Variants in DIP2C observed in about 807,000 individuals in gnomAD.
DIP2C encodes the protein DIP2 acetate--CoA ligase C (putative), also known as disco-interacting protein 2 homolog C.
In DIP2C, 33 loss-of-function variants were observed where a neutral mutation model predicts 192.4. The observed-to-expected ratio is 0.17, with a 90% CI of 0.13 to 0.23. The LOEUF (loss-of-function observed/expected upper bound fraction) is 0.23, where lower values mean the gene tolerates loss of function less well. Among genes scored for constraint, DIP2C ranks in the 10% least tolerant of loss-of-function variants. The pLI, the probability that DIP2C is intolerant of heterozygous loss-of-function variation, is 1.00. For synonymous variants in DIP2C, 979 were observed against 864.1 expected (o/e 1.13, Z -2.33); for missense variants, 1,537 against 2,110.1 (o/e 0.73, Z 5.32).
intron 1 of DIP2C, among the ~76,000 whole-genome samples, chr10:525,298 T>C (rs1373886642): frequency 6.6e-6 from 1 of 152,216 alleles, no homozygotes. Flanking sequence ...GCAGGTTGTA[T>C]GTCCACAGCT....
At chr10:404,312 G>A (rs545370073) in intron 9 of DIP2C, among the ~76,000 whole-genome samples, 13 of 151,512 alleles carry the variant, frequency 8.6e-5, no homozygotes, top group Non-Finnish European at 1.3e-4. Context: ...CGGTTCAAGC[G>A]ATTCTCTTGC....
At chr10:530,372 C>A (rs912604723) in intron 1 of DIP2C, among the ~76,000 whole-genome samples, 1 of 152,100 alleles carries the variant, frequency 6.6e-6, no homozygotes, top group African/African-American at 2.4e-5. Flanking sequence ...ACCTAATGCC[C>A]ATTTTGTAAC....
chr10:355,661 C>T (rs1055547566), intron 24 of DIP2C, among the ~76,000 whole-genome samples: 5 of 152,138 alleles, frequency 3.3e-5, no homozygotes, highest in South Asian at 2.1e-4. Flanking sequence ...TTAAGTACTA[C>T]GGTGGAACAA....
At chr10:669,669 G>C (rs990925158) in intron 1 of DIP2C, 1 of 152,216 alleles carries the variant, frequency 6.6e-6, no homozygotes, top group Non-Finnish European at 1.5e-5. Context: ...CAAACACCTT[G>C]TTTCCCTGAA....
At chr10:428,678 T>C (rs1018247492) in intron 4 of DIP2C, among the ~76,000 whole-genome samples, 1 of 152,152 alleles carries the variant, frequency 6.6e-6, no homozygotes, top group African/African-American at 2.4e-5. Context: ...ACACAGGTGT[T>C]TGACATCAAT....
In DIP2C at chr10:355,833, T is replaced by C. The variant is rs577881397; in HGVS notation, c.2985+593A>G. Among the ~76,000 whole-genome samples, 27 of 152,310 alleles carry C rather than the reference T, an allele frequency of 1.8e-4. No homozygotes were observed. In the South Asian group the frequency reaches 5.2e-3, roughly 29 times the overall value. ...GACTCACGCCTGTAATCCCAGCACT[T>C]TGGGAGGCCAAGGCAGGTGGATCAC... is the stretch of plus-strand genomic sequence containing the variant. On this transcript the variant is annotated intron_variant, in intron 24 of 36. Transcript: ENST00000280886.
At position 577,884 on chromosome 10, in the gene DIP2C, C is replaced by G. The variant is rs143562226; in HGVS notation, c.86-91354G>C. Among the ~76,000 whole-genome samples the G allele has an allele frequency of 3.8e-4, 58 of 151,638 alleles. 2 individuals carry two copies. The East Asian group carries it at 7.0e-3, about 18-fold the overall frequency. On this transcript the variant is annotated intron_variant, in intron 1 of 36. Transcript: ENST00000280886. The stretch of plus-strand genomic sequence containing the variant: ...TAAGAACCTTTTGGAAAGTTGGGAG[C>G]AATTTCTATTTCTCCATGGTAGAAC...
chr10:303,274 C>T (rs1196165105), intron 32 of DIP2C, among the ~76,000 whole-genome samples: 1 of 151,796 alleles, frequency 6.6e-6, no homozygotes, highest in Non-Finnish European at 1.5e-5. Flanking sequence ...GATTGATCAA[C>T]ACTGCACTTG....
At chr10:327,302 C>T in intron 30 of DIP2C, 126 bp from the exon 31 acceptor site, 2 of 991,896 alleles carry the variant, frequency 2.0e-6, no homozygotes, top group Admixed American at 3.0e-5. Flanking sequence ...ATTTCCAGGG[C>T]CACCTGTGTC....
At position 650,842 on chromosome 10, in the gene DIP2C, C is replaced by T. The variant is rs533780568; in HGVS notation, c.85+38652G>A. On this transcript the variant is annotated intron_variant, in intron 1 of 36. Transcript: ENST00000280886. ...ATGTCCTCAGTTCTGCCTCAGCCCC[C>T]ACTTGTGAGAGGTCCGTGGCATAAC... 1.3e-5 allele frequency: 9 copies of T among 715,324 alleles called. No individual in the cohort carries two copies. In the African/African-American group the frequency reaches 1.4e-4, roughly 11 times the overall value. 44.3% of individuals were successfully genotyped at this position (715,324 alleles called of 1,614,324 possible). A position where few individuals can be genotyped will look rare whatever the true frequency, so the allele number is the denominator to read the frequency against.
chr10:417,634 T>TCCCTGTCTGCCTGCACCTGTCAGGGCG lies in DIP2C; in HGVS notation c.739+1430_739+1431insCGCCCTGACAGGTGCAGGCAGACAGGG, dbSNP rs1564684418. Among the ~76,000 whole-genome samples, 6 of 125,754 alleles carry TCCCTGTCTGCCTGCACCTGTCAGGGCG rather than the reference T, an allele frequency of 4.8e-5. 1 individual carries two copies. Among genetic ancestry groups the TCCCTGTCTGCCTGCACCTGTCAGGGCG allele is most frequent in the African/African-American group, 1.8e-4 (6 of 34,044 alleles). The allele number at this position is 125,754 out of a possible 152,430, so 82.5% of individuals were successfully genotyped here. ...CCTGTCTGCCTGCGCCTGTCAGGGC[T>TCCCTGTCTGCCTGCACCTGTCAGGGCG]CGGATAGGCCTCCCTGTCCACCTGT... On this transcript the variant is annotated intron_variant, in intron 6 of 36. Coordinates refer to ENST00000280886, the MANE Select transcript of DIP2C (RefSeq NM_014974.3).
At chr10:385,944 T>C (rs1175631328) in intron 14 of DIP2C, among the ~76,000 whole-genome samples, 1 of 152,172 alleles carries the variant, frequency 6.6e-6, no homozygotes, top group African/African-American at 2.4e-5. Flanking sequence ...TCTCAAAAGA[T>C]GCTGCTGCCT....
intron 3 of DIP2C, among the ~76,000 whole-genome samples, chr10:457,509 C>T (rs1327465364): frequency 6.6e-6 from 1 of 152,128 alleles, no homozygotes; most frequent in Non-Finnish European, 1.5e-5. Context: ...TTGATATGTC[C>T]AAAATTCCCT....
intron 1 of DIP2C, among the ~76,000 whole-genome samples, chr10:494,234 T>C (rs1844653160): frequency 6.6e-6 from 1 of 152,222 alleles, no homozygotes; most frequent in Admixed American, 6.5e-5. Context: ...AGAAGTGGGC[T>C]AACCTCAGTA....
intron 31 of DIP2C, among the ~76,000 whole-genome samples, chr10:315,125 A>T (rs1165003651): frequency 6.6e-6 from 1 of 152,184 alleles, no homozygotes; most frequent in Non-Finnish European, 1.5e-5. Context: ...TGTGCTATGA[A>T]AATGAAGATT....
rs1270576439 is a variant in DIP2C at position 389,983 on chromosome 10, C to A, written c.1597+8G>T. 6.2e-7 allele frequency: 1 copy of A among 1,609,498 alleles called. No homozygotes were observed. Among genetic ancestry groups the A allele is most frequent in the Non-Finnish European group, 8.5e-7 (1 of 1,177,592 alleles). ...AGGGTCCCAAGGAGTCAGGGTCTGGCACCCCACCTTCCGTGTAGCCACACG... is the reference window on the plus strand; with the variant it reads ...AGGGTCCCAAGGAGTCAGGGTCTGGAACCCCACCTTCCGTGTAGCCACACG... On this transcript the variant is annotated splice_region_variant and intron_variant, in intron 13 of 36. Transcript: ENST00000280886.
intron 1 of DIP2C, among the ~76,000 whole-genome samples, chr10:543,304 ACTGATTTCAGTAG>A (rs1848108714): frequency 6.6e-6 from 1 of 152,250 alleles, no homozygotes; most frequent in Non-Finnish European, 1.5e-5. Flanking sequence ...AGGTGCCATC[ACTGATTTCAGTAG>A]CGAGAACGTA....
chr10:476,210 G>A (rs1449372846), intron 2 of DIP2C, among the ~76,000 whole-genome samples: 1 of 152,130 alleles, frequency 6.6e-6, no homozygotes, highest in Non-Finnish European at 1.5e-5. Context: ...GTCTCTTGAG[G>A]CAAGAAAACG....
At chr10:369,362 A>C (rs892525338) in intron 18 of DIP2C, 132 bp downstream of exon 18, 101 of 1,163,838 alleles carry the variant, frequency 8.7e-5, no homozygotes, top group Non-Finnish European at 1.1e-4. Flanking sequence ...ACTTCAGAAG[A>C]CTGGGAGTGA....
Sources: allele counts gnomAD v4.1 joint callset (sites outside exome capture counted in the v4.1 genomes callset), GRCh38; gene constraint gnomAD v4.1.1; transcripts MANE v1.5; gene names NCBI Gene and HGNC (gene_info 2026-07-23, HGNC 2026-07-21).